The following PGCKA1 variants were observed in gnomAD, a reference collection of about 807,000 sequenced individuals.
PGCKA1 encodes PDCD10 and GCKIII kinases associated 1, also known as PDCD10 and GCKIII kinases-associated protein 1.
the PGCKA1 span, among the ~76,000 whole-genome samples, chr4:37,472,898 G>A: frequency 1.3e-5 from 2 of 152,144 alleles, no homozygotes; most frequent in South Asian, 2.1e-4. Flanking sequence ...TGTCTGCAAG[G>A]AAGAGTGTGC....
At chr4:37,523,121 C>T in the PGCKA1 span, among the ~76,000 whole-genome samples, 1 of 152,176 alleles carries the variant, frequency 6.6e-6, no homozygotes, top group East Asian at 1.9e-4. Flanking sequence ...CACTTTGGCC[C>T]TCAGTGGCAA....
the PGCKA1 span, among the ~76,000 whole-genome samples, chr4:37,549,089 T>A: frequency 6.6e-6 from 1 of 152,178 alleles, no homozygotes; most frequent in Non-Finnish European, 1.5e-5. Flanking sequence ...CCAGCCTCCA[T>A]GCCCCAACAC....
chr4:37,575,115 C>T, the PGCKA1 span, among the ~76,000 whole-genome samples: 1 of 152,170 alleles, frequency 6.6e-6, no homozygotes, highest in South Asian at 2.1e-4. Context: ...GATATATACT[C>T]AGCAATGGGA....
At chr4:37,544,950 G>A in the PGCKA1 span, among the ~76,000 whole-genome samples, 1 of 151,598 alleles carries the variant, frequency 6.6e-6, no homozygotes, top group Non-Finnish European at 1.5e-5. Flanking sequence ...CTGCCCCCCG[G>A]GTTCAAGTGA....
the PGCKA1 span, among the ~76,000 whole-genome samples, chr4:37,580,797 A>C: frequency 6.6e-6 from 1 of 152,314 alleles, no homozygotes; most frequent in South Asian, 2.1e-4. Flanking sequence ...AGGCTCTACA[A>C]TCAACAGGTG....
At chr4:37,467,081 C>T in the PGCKA1 span, among the ~76,000 whole-genome samples, 2 of 152,080 alleles carry the variant, frequency 1.3e-5, no homozygotes, top group African/African-American at 4.8e-5. Context: ...CTGGGTGACA[C>T]AGTGAGACTC....
the PGCKA1 span, among the ~76,000 whole-genome samples, chr4:37,465,586 C>T: frequency 2.0e-5 from 3 of 152,042 alleles, no homozygotes; most frequent in Non-Finnish European, 4.4e-5. Context: ...GTAGCTTCAT[C>T]CTGCAGGCCT....
chr4:37,489,839 G>A, the PGCKA1 span, among the ~76,000 whole-genome samples: 2 of 152,274 alleles, frequency 1.3e-5, no homozygotes, highest in African/African-American at 4.8e-5. Flanking sequence ...GAAAGCTTTA[G>A]TGTCAGATCC....
At chr4:37,552,766 C>T in the PGCKA1 span, among the ~76,000 whole-genome samples, 1 of 152,152 alleles carries the variant, frequency 6.6e-6, no homozygotes, top group African/African-American at 2.4e-5. Context: ...CTCTGCTTAC[C>T]ACTGGTAGGT....
chr4:37,499,004 G>A, the PGCKA1 span, among the ~76,000 whole-genome samples: 2 of 152,152 alleles, frequency 1.3e-5, no homozygotes, highest in Non-Finnish European at 2.9e-5. Flanking sequence ...TTCCTTCAAT[G>A]CCTAGTTTAT....
At chr4:37,470,387 T>C in the PGCKA1 span, among the ~76,000 whole-genome samples, 1 of 151,896 alleles carries the variant, frequency 6.6e-6, no homozygotes, top group Non-Finnish European at 1.5e-5. Flanking sequence ...TTTAAAGATA[T>C]TTTATAATTG....
At chr4:37,569,495 G>A in the PGCKA1 span, among the ~76,000 whole-genome samples, 4,302 of 152,152 alleles carry the variant, frequency 0.028, 233 homozygotes, top group African/African-American at 0.098. Flanking sequence ...CACCACGCCC[G>A]GCCCCGAGGA....
chr4:37,495,156 A>C, the PGCKA1 span, among the ~76,000 whole-genome samples: 7 of 152,184 alleles, frequency 4.6e-5, no homozygotes, highest in Non-Finnish European at 8.8e-5. Flanking sequence ...TCATTAGAGA[A>C]ATGCAAATCA....
chr4:37,589,587 C>A, the PGCKA1 span, among the ~76,000 whole-genome samples: 1 of 151,728 alleles, frequency 6.6e-6, no homozygotes. Flanking sequence ...CACCCCTTAC[C>A]CCTCCTTCCT....
At chr4:37,541,063 G>GTTCACC in the PGCKA1 span, among the ~76,000 whole-genome samples, 40,119 of 151,676 alleles carry the variant, frequency 0.26, 5,424 homozygotes, top group Non-Finnish European at 0.3. Flanking sequence ...GGCTGGCTGA[G>GTTCACC]TTCACCTTGA....
chr4:37,538,284 A>C, the PGCKA1 span, among the ~76,000 whole-genome samples: 7 of 152,240 alleles, frequency 4.6e-5, no homozygotes, highest in Non-Finnish European at 1.0e-4. Context: ...TGTCCTTGGT[A>C]AATAAACATG....
the PGCKA1 span, among the ~76,000 whole-genome samples, chr4:37,556,795 C>A: frequency 1.3e-5 from 2 of 152,188 alleles, no homozygotes; most frequent in African/African-American, 2.4e-5. Context: ...TCCCTGCAGG[C>A]ATGGACTTGT....
the PGCKA1 span, among the ~76,000 whole-genome samples, chr4:37,527,050 A>G: frequency 6.6e-6 from 1 of 152,076 alleles, no homozygotes; most frequent in Non-Finnish European, 1.5e-5. Flanking sequence ...GGCCTAAGCT[A>G]ATGTGTGAGT....
the PGCKA1 span, chr4:37,588,753 C>T: frequency 1.1e-6 from 1 of 883,052 alleles, no homozygotes; most frequent in Non-Finnish European, 1.9e-6. Flanking sequence ...TCTCTTAATA[C>T]ATTTTGAGTC....
Sources: gnomAD v4.1 joint callset for allele counts (sites outside exome capture counted in the v4.1 genomes callset) on GRCh38, gnomAD v4.1.1 for gene constraint, MANE v1.5 for transcripts, NCBI Gene and HGNC (gene_info 2026-07-23, HGNC 2026-07-21) for gene names.